Variants in LRATD1 observed in about 807,000 individuals in gnomAD.
LRATD1 encodes LRAT domain containing 1, also known as protein LRATD1.
Under a neutral mutation model 21.3 loss-of-function variants are expected in LRATD1, and 8 were observed. That is an observed-to-expected ratio of 0.38 (90% CI 0.22 to 0.68). The LOEUF is 0.68. LRATD1 is among the 30% of genes least tolerant of loss of function. LRATD1 has a pLI of 0.54. For missense variants in LRATD1, 380 were observed against 404.0 expected (o/e 0.94, Z 0.51); for synonymous variants, 210 against 186.2 (o/e 1.13, Z -1.04).
In LRATD1 at chr2:14,637,687, T is replaced by A. The variant is rs2103409287; in HGVS notation, c.*2829T>A. On this transcript the variant is annotated 3_prime_UTR_variant, in exon 2 of 2. Coordinates refer to ENST00000295092, the MANE Select transcript of LRATD1 (RefSeq NM_145175.4). ...CATGCAGAGGATATGATCAAGATAT[T>A]ACCTAATGGTTTTATCCTGAAAAAG... is the stretch of plus-strand genomic sequence containing the variant. The A allele has an allele frequency of 6.0e-6, 1 of 167,200 alleles. No homozygotes were observed. The highest frequency in any genetic ancestry group is 6.5e-5 in the Admixed American group (1 of 15,302). The allele number at this position is 167,200 out of a possible 1,614,324, so 10.4% of individuals were successfully genotyped here. A position where few individuals can be genotyped will look rare whatever the true frequency, so the allele number is the denominator to read the frequency against.
chr2:14,634,604 T>G lies in LRATD1; in HGVS notation c.625T>G (p.Trp209Gly). Residue 209 changes from tryptophan to glycine, a missense_variant, in exon 2 of 2, where the codon TGG (tryptophan) becomes GGG (glycine). Physicochemically the swap from Trp to Gly is radical, Grantham distance 184 (BLOSUM62 -2). Coordinates refer to ENST00000295092, the MANE Select transcript of LRATD1 (RefSeq NM_145175.4). ...HLGLKSEEICWTNSESFAAWC... is the reference protein window; with the variant it reads ...HLGLKSEEICGTNSESFAAWC... ...GGGCCTCAAGAGCGAGGAGATCTGC[T>G]GGACGAACTCGGAGAGCTTCGCCGC... 6.6e-7 allele frequency: 1 copy of G among 1,516,368 alleles called. No homozygotes were observed. The highest frequency in any genetic ancestry group is 8.9e-7 in the Non-Finnish European group (1 of 1,127,990). 93.9% of individuals were successfully genotyped at this position (1,516,368 alleles called of 1,614,324 possible).
In LRATD1 at chr2:14,649,256, A is replaced by G. The variant is rs757720825; in HGVS notation, n.437-60A>G. ...AAGGCTAGTAAAGCAGTCAGGAAAT[A>G]TATGACTTCATTGGCACTTTTATTA... On this transcript the variant is annotated intron_variant and non_coding_transcript_variant, in intron 4 of 5. Transcript: ENST00000464947. The G allele has an allele frequency of 1.2e-4, 53 of 456,376 alleles. 1 individual carries two copies. Among genetic ancestry groups the G allele is most frequent in the Non-Finnish European group, 1.8e-4 (40 of 226,874 alleles). 28.3% of individuals were successfully genotyped at this position (456,376 alleles called of 1,614,324 possible). A position where few individuals can be genotyped will look rare whatever the true frequency, so the allele number is the denominator to read the frequency against.
At chr2:14,650,928 TAC>T (rs1671993493), downstream of LRATD1, 1 of 152,188 alleles carries the variant, frequency 6.6e-6, no homozygotes, top group Non-Finnish European at 1.5e-5. Flanking sequence ...TATGTGCATA[TAC>T]ACACACTGTT....
At chr2:14,645,434 A>G (rs1355519846) in intron 2 of LRATD1, among the ~76,000 whole-genome samples, 1 of 152,196 alleles carries the variant, frequency 6.6e-6, no homozygotes, top group Non-Finnish European at 1.5e-5. Context: ...GACTTTATGC[A>G]TTTATTTTAA....
rs918445018 is a variant in LRATD1 at position 14,635,427 on chromosome 2, G to A, written c.*569G>A. The A allele has an allele frequency of 4.2e-6, 2 of 471,282 alleles. No homozygotes were observed. The highest frequency in any genetic ancestry group is 4.0e-5 in the African/African-American group (2 of 50,106). 29.2% of individuals were successfully genotyped at this position (471,282 alleles called of 1,614,324 possible). A position where few individuals can be genotyped will look rare whatever the true frequency, so the allele number is the denominator to read the frequency against. ...CCCCAAGACAGCACTTCGGGATTCC[G>A]GGTTATCCTGAGGCTGCCCGGGACT... On this transcript the variant is annotated 3_prime_UTR_variant, in exon 2 of 2. Transcript: ENST00000295092.
At position 14,634,584 on chromosome 2, in the gene LRATD1, T is replaced by G; in HGVS notation, c.605T>G (p.Leu202Arg). The G allele has an allele frequency of 6.7e-7, 1 of 1,498,766 alleles. No homozygotes were observed. The highest frequency in any genetic ancestry group is 8.9e-7 in the Non-Finnish European group (1 of 1,121,272). The allele number at this position is 1,498,766 out of a possible 1,614,324, so 92.8% of individuals were successfully genotyped here. ...VVQNACGHLG[L>R]KSEEICWTNS... is the part of the protein sequence containing the mutation. ...CAGAACGCCTGCGGCCACCTGGGCC[T>G]CAAGAGCGAGGAGATCTGCTGGACG... Residue 202 changes from leucine to arginine, a missense_variant, in exon 2 of 2, where the codon CTC (leucine) becomes CGC (arginine). Transcript: ENST00000295092.
At chr2:14,650,257 T>A (rs576924484), downstream of LRATD1, 1 of 152,282 alleles carries the variant, frequency 6.6e-6, no homozygotes, top group African/African-American at 2.4e-5. Flanking sequence ...CTCTGTTATT[T>A]AAAGAAACCA....
At position 14,638,248 on chromosome 2, in the gene LRATD1, GTA is replaced by G. The variant is rs954092427; in HGVS notation, c.*3392_*3393del. 4 of 160,132 alleles carry G rather than the reference GTA, an allele frequency of 2.5e-5. No individual in the cohort carries two copies. The highest frequency in any genetic ancestry group is 1.0e-4 in the African/African-American group (4 of 38,784). 9.9% of individuals were successfully genotyped at this position (160,132 alleles called of 1,614,324 possible). A position where few individuals can be genotyped will look rare whatever the true frequency, so the allele number is the denominator to read the frequency against. ...AAAAAAAAAAAACTATAGAATTTAC[GTA>G]TGTTACATTTTTAAGTATGAGTTAA... On this transcript the variant is annotated 3_prime_UTR_variant, in exon 2 of 2. Coordinates refer to ENST00000295092, the MANE Select transcript of LRATD1 (RefSeq NM_145175.4).
Position 14,634,110 on chromosome 2 carries a change from T to C in LRATD1, c.131T>C (p.Leu44Pro). 6.2e-7 allele frequency: 1 copy of C among 1,614,154 alleles called. No individual in the cohort carries two copies. Reference protein sequence around the residue: ...AYFFSDDEEDLDERGQPDKFG... With the variant: ...AYFFSDDEEDPDERGQPDKFG... The stretch of plus-strand genomic sequence containing the variant: ...TTCTTCTCGGATGATGAGGAAGACC[T>C]GGACGAACGCGGGCAGCCCGACAAG... Residue 44 changes from leucine to proline, a missense_variant, in exon 2 of 2, where the codon CTG (leucine) becomes CCG (proline). Transcript: ENST00000295092.
rs1216616709 is a variant in LRATD1, at chr2:14,639,107, C to CAA, written c.*4250_*4251insAA. The CAA allele has an allele frequency of 3.6e-4, 60 of 165,118 alleles. No individual in the cohort carries two copies. The highest frequency in any genetic ancestry group is 1.5e-5 in the Non-Finnish European group (1 of 67,888). The allele number at this position is 165,118 out of a possible 1,614,324, so 10.2% of individuals were successfully genotyped here. ...CTAGCAATTATTTCATTCAGATACA[C>CAA]ACACACACACACACACACACAGGCT... On this transcript the variant is annotated 3_prime_UTR_variant, in exon 2 of 2. Transcript: ENST00000295092.
In LRATD1 at chr2:14,635,306, C is replaced by A. The variant is rs1250256998; in HGVS notation, c.*448C>A. ...AGACCGGTCGGAGGCGAGAACTGGT[C>A]TCTACAGGGCACAGTTCAGCTCCTC... On this transcript the variant is annotated 3_prime_UTR_variant, in exon 2 of 2. Transcript: ENST00000295092. The A allele has an allele frequency of 4.1e-6, 2 of 485,632 alleles. No homozygotes were observed. Among genetic ancestry groups the A allele is most frequent in the African/African-American group, 3.9e-5 (2 of 50,702 alleles). The allele number at this position is 485,632 out of a possible 1,614,324, so 30.1% of individuals were successfully genotyped here.
chr2:14,644,486 G>A (rs1411320339), downstream of LRATD1, among the ~76,000 whole-genome samples: 1 of 152,096 alleles, frequency 6.6e-6, no homozygotes, highest in Non-Finnish European at 1.5e-5. Context: ...GAAGTCTGTA[G>A]AAGTACAGTT....
At chr2:14,651,201 TC>T (rs1671999916), downstream of LRATD1, among the ~76,000 whole-genome samples, 1 of 152,146 alleles carries the variant, frequency 6.6e-6, no homozygotes, top group Non-Finnish European at 1.5e-5. Flanking sequence ...TCATATTGTT[TC>T]TTTTTTTTTC....
At position 14,634,611 on chromosome 2, in the gene LRATD1, A is replaced by G; in HGVS notation, c.632A>G (p.Asn211Ser). ...AAGAGCGAGGAGATCTGCTGGACGA[A>G]CTCGGAGAGCTTCGCCGCCTGGTGC... ...GLKSEEICWTNSESFAAWCRF... is the reference protein window; with the variant it reads ...GLKSEEICWTSSESFAAWCRF... The change falls in exon 2 of 2, where the codon AAC (asparagine) becomes AGC (serine). Residue 211 changes from asparagine to serine, a missense_variant. Coordinates refer to ENST00000295092, the MANE Select transcript of LRATD1 (RefSeq NM_145175.4). 6.6e-7 allele frequency: 1 copy of G among 1,526,280 alleles called. No individual in the cohort carries two copies. Among genetic ancestry groups the G allele is most frequent in the Non-Finnish European group, 8.8e-7 (1 of 1,132,638 alleles). 94.5% of individuals were successfully genotyped at this position (1,526,280 alleles called of 1,614,324 possible). A position where few individuals can be genotyped will look rare whatever the true frequency, so the allele number is the denominator to read the frequency against.
In LRATD1 at chr2:14,635,049, C is replaced by CAGGGCCGAA. The variant is rs1671654327; in HGVS notation, c.*197_*205dup. On this transcript the variant is annotated 3_prime_UTR_variant, in exon 2 of 2. Coordinates refer to ENST00000295092, the MANE Select transcript of LRATD1 (RefSeq NM_145175.4). ...CGGCAGGAAGTCTCAGGAACTGCCC[C>CAGGGCCGAA]AGGGCCGAAAGGGCGCCGCTGCGAG... 1.1e-6 allele frequency: 1 copy of CAGGGCCGAA among 883,022 alleles called. No homozygotes were observed. The highest frequency in any genetic ancestry group is 1.8e-6 in the Non-Finnish European group (1 of 544,796). The allele number at this position is 883,022 out of a possible 1,614,324, so 54.7% of individuals were successfully genotyped here.
rs1432738129 is a variant in LRATD1 at position 14,637,477 on chromosome 2, T to C, written c.*2619T>C. 1.2e-5 allele frequency: 2 copies of C among 167,012 alleles called. No individual in the cohort carries two copies. Among genetic ancestry groups the C allele is most frequent in the African/African-American group, 4.8e-5 (2 of 41,468 alleles). The allele number at this position is 167,012 out of a possible 1,614,324, so 10.3% of individuals were successfully genotyped here. On this transcript the variant is annotated 3_prime_UTR_variant, in exon 2 of 2. Coordinates refer to ENST00000295092, the MANE Select transcript of LRATD1 (RefSeq NM_145175.4). ...AGTTAAATTAGCATTTGTTACTATATTGGCCTATAAAGGATCAGGTTGATG... is the reference window on the plus strand; with the variant it reads ...AGTTAAATTAGCATTTGTTACTATACTGGCCTATAAAGGATCAGGTTGATG...
Position 14,633,794 on chromosome 2 carries a change from A to C in LRATD1, c.-36-150A>C. 1 of 732,686 alleles carries C rather than the reference A, an allele frequency of 1.4e-6. No homozygotes were observed. 45.4% of individuals were successfully genotyped at this position (732,686 alleles called of 1,614,324 possible). ...TTCTCCGCCCCTCGTACCCCTGGGGAGGCACGGAGGACTCGGCTGGAAAGG... is the reference window on the plus strand; with the variant it reads ...TTCTCCGCCCCTCGTACCCCTGGGGCGGCACGGAGGACTCGGCTGGAAAGG... On this transcript the variant is annotated intron_variant, in intron 1 of 1. Coordinates refer to ENST00000295092, the MANE Select transcript of LRATD1 (RefSeq NM_145175.4). The surrounding 1 kb of genome is among the most constrained non-coding windows in gnomAD (Gnocchi z 7.5).
At chr2:14,647,710 A>C (rs893311492) in intron 4 of LRATD1, among the ~76,000 whole-genome samples, 1 of 152,114 alleles carries the variant, frequency 6.6e-6, no homozygotes, top group Admixed American at 6.6e-5. Flanking sequence ...CCTCACCAGA[A>C]CTTGATCATG....
rs780730901 is a variant in LRATD1, at chr2:14,634,066, G to T, written c.87G>T (p.Leu29=). The change falls in exon 2 of 2, where the codon CTG becomes CTT. Residue 29 remains leucine (L), a synonymous_variant. Coordinates refer to ENST00000295092, the MANE Select transcript of LRATD1 (RefSeq NM_145175.4). ...CGTCGGGGATTGAAAAGGACGAACT[G>T]CGGGTCGGGGTTGCCTACTTCTTCT... The part of the protein sequence containing the change: ...GDPSGIEKDE[L]RVGVAYFFSD... 1 of 1,614,024 alleles carries T rather than the reference G, an allele frequency of 6.2e-7. No homozygotes were observed. Among genetic ancestry groups the T allele is most frequent in the African/African-American group, 1.3e-5 (1 of 74,934 alleles).
Sources: gnomAD v4.1 joint callset for allele counts (sites outside exome capture counted in the v4.1 genomes callset) on GRCh38, gnomAD v4.1.1 for gene constraint, Gnocchi (gnomAD v3.1) non-coding constraint, MANE v1.5 for transcripts, NCBI Gene and HGNC (gene_info 2026-07-23, HGNC 2026-07-21) for gene names.